Variants in NRDE2 observed in about 807,000 individuals in gnomAD.
NRDE2 encodes nuclear exosome regulator NRDE2.
A neutral mutation model predicts 124.2 loss-of-function variants in NRDE2; 76 were observed. The ratio of observed to expected loss-of-function variants is 0.61; its 90% confidence interval spans 0.51 to 0.74. The LOEUF is 0.74. Ranked by LOEUF, NRDE2 falls within the 30% of genes least tolerant of loss-of-function variation. The pLI, the probability that NRDE2 is intolerant of heterozygous loss-of-function variation, is 0.00. For missense variants in NRDE2, 1,314 were observed against 1,417.3 expected (o/e 0.93, Z 1.17); for synonymous variants, 489 against 528.1 (o/e 0.93, Z 1.01).
At chr14:90,327,075 A>G (rs1170978178) in intron 1 of NRDE2, among the ~76,000 whole-genome samples, 1 of 152,228 alleles carries the variant, frequency 6.6e-6, no homozygotes, top group Non-Finnish European at 1.5e-5. Context: ...AGTAATGACA[A>G]CACAGTGGTG....
At chr14:90,312,615 C>T (rs1884887240) in intron 3 of NRDE2, 72 bp from the exon 4 acceptor site, 1 of 1,500,122 alleles carries the variant, frequency 6.7e-7, no homozygotes, top group Admixed American at 1.7e-5. Flanking sequence ...GTGGCATTTT[C>T]AGCAATATGA....
At chr14:90,312,681 T>C (rs1482824934) in intron 3 of NRDE2, 138 bp from the exon 4 acceptor site, 1 of 787,444 alleles carries the variant, frequency 1.3e-6, no homozygotes, top group Non-Finnish European at 2.1e-6. Context: ...ACATTAAATG[T>C]ACATGTGCCA....
intron 4 of NRDE2, among the ~76,000 whole-genome samples, chr14:90,307,703 A>G (rs377218337): frequency 1.9e-4 from 29 of 152,334 alleles, no homozygotes; most frequent in African/African-American, 2.9e-4. Flanking sequence ...GTGAAACCCC[A>G]TCTCTACTAA....
chr14:90,324,125 G>A (rs1340955900), intron 1 of NRDE2, among the ~76,000 whole-genome samples: 1 of 151,854 alleles, frequency 6.6e-6, no homozygotes, highest in Non-Finnish European at 1.5e-5. Context: ...ATCTAAAGGA[G>A]GAGGAGTGAA....
chr14:90,294,477 G>T (rs1056473688), intron 8 of NRDE2, among the ~76,000 whole-genome samples: 1 of 152,158 alleles, frequency 6.6e-6, no homozygotes, highest in African/African-American at 2.4e-5. Context: ...CAAATGGATG[G>T]TATACACACA....
intron 4 of NRDE2, 152 bp downstream of exon 4, chr14:90,312,242 G>C (rs565264711): frequency 3.0e-6 from 2 of 656,370 alleles, no homozygotes; most frequent in African/African-American, 3.6e-5. Context: ...TTTTAGAATA[G>C]GAGATGAGAC....
rs1445048684 is a variant in NRDE2, at chr14:90,271,522, G to A, written c.*6814C>T. On this transcript the variant is annotated 3_prime_UTR_variant, in exon 14 of 14. Coordinates refer to ENST00000354366, the MANE Select transcript of NRDE2 (RefSeq NM_017970.4). ...CTATACTCTGTAGTATTATTCCATA[G>A]TATAGATACTGCCACTTACAGTATC... The A allele has an allele frequency of 6.6e-6, 1 of 152,152 alleles. No homozygotes were observed. The highest frequency in any genetic ancestry group is 1.5e-5 in the Non-Finnish European group (1 of 68,016). The allele number at this position is 152,152 out of a possible 1,614,324, so 9.4% of individuals were successfully genotyped here. A position where few individuals can be genotyped will look rare whatever the true frequency, so the allele number is the denominator to read the frequency against.
intron 1 of NRDE2, among the ~76,000 whole-genome samples, chr14:90,325,492 T>C (rs1426707880): frequency 6.6e-6 from 1 of 152,118 alleles, no homozygotes; most frequent in African/African-American, 2.4e-5. Context: ...CCAGACTCCT[T>C]ACTGAATGTG....
intron 4 of NRDE2, among the ~76,000 whole-genome samples, chr14:90,306,202 A>C (rs1884595220): frequency 6.6e-6 from 1 of 152,070 alleles, no homozygotes; most frequent in South Asian, 2.1e-4. Flanking sequence ...GGCAGGGGAG[A>C]ACTGCCTTCA....
intron 4 of NRDE2, among the ~76,000 whole-genome samples, chr14:90,312,165 A>T (rs1305759118): frequency 6.6e-6 from 1 of 152,244 alleles, no homozygotes; most frequent in Non-Finnish European, 1.5e-5. Context: ...CTACTGTGCC[A>T]GGCACTATGC....
Position 90,278,334 on chromosome 14 carries a change from C to G in NRDE2, c.*2G>C. On this transcript the variant is annotated 3_prime_UTR_variant, in exon 14 of 14. Transcript: ENST00000354366. ...AGGCACAGCCCGTTTTCCCGCTGCT[C>G]TCTAATCCTCCAGCAGCAGCTCCAG... 3 of 1,613,932 alleles carry G rather than the reference C, an allele frequency of 1.9e-6. No individual in the cohort carries two copies. The highest frequency in any genetic ancestry group is 2.5e-6 in the Non-Finnish European group (3 of 1,180,020).
chr14:90,288,234 C>G lies in NRDE2; in HGVS notation c.3141G>C (p.Leu1047=). 3 of 1,613,856 alleles carry G rather than the reference C, an allele frequency of 1.9e-6. No homozygotes were observed. Among genetic ancestry groups the G allele is most frequent in the Non-Finnish European group, 2.5e-6 (3 of 1,179,860 alleles). The change falls in exon 11 of 14, where the codon CTG becomes CTC. Residue 1047 remains leucine (L), a synonymous_variant. Coordinates refer to ENST00000354366, the MANE Select transcript of NRDE2 (RefSeq NM_017970.4). Reference sequence around the variant, plus strand: ...GGAATTACCTCTGGACAGTTTCCACCAGTCTCTTCCTCAGTTTCTCAGCTT... The same window carrying G: ...GGAATTACCTCTGGACAGTTTCCACGAGTCTCTTCCTCAGTTTCTCAGCTT... ...AIEAEKLRKR[L]VETVQRLDGR...
In NRDE2 at chr14:90,331,757, T is replaced by C. The variant is rs73320611; in HGVS notation, c.64+84A>G. 5.6e-4 allele frequency: 809 copies of C among 1,450,536 alleles called. 2 individuals carry two copies. In the African/African-American group the frequency reaches 9.9e-3, roughly 18 times the overall value. The allele number at this position is 1,450,536 out of a possible 1,614,324, so 89.9% of individuals were successfully genotyped here. A position where few individuals can be genotyped will look rare whatever the true frequency, so the allele number is the denominator to read the frequency against. ...TCTGGGATACAAATGGATACACAAA[T>C]CCAAAGCAAAAGTCTAGACCTGGGC... On this transcript the variant is annotated intron_variant, in intron 1 of 13. Coordinates refer to ENST00000354366, the MANE Select transcript of NRDE2 (RefSeq NM_017970.4).
At chr14:90,286,517 T>A (rs1372823478) in intron 11 of NRDE2, 25 bp from the exon 12 acceptor site, 1 of 1,606,758 alleles carries the variant, frequency 6.2e-7, no homozygotes, top group Admixed American at 1.7e-5. Flanking sequence ...CTCACGTGAC[T>A]CTGACACAAG....
chr14:90,299,022 A>G (rs908491974), intron 7 of NRDE2, among the ~76,000 whole-genome samples: 5 of 152,118 alleles, frequency 3.3e-5, no homozygotes, highest in African/African-American at 1.2e-4. Flanking sequence ...AAGGCAGGCG[A>G]CCAGGGAGTA....
intron 1 of NRDE2, among the ~76,000 whole-genome samples, chr14:90,330,750 G>A (rs374824823): frequency 6.7e-5 from 10 of 150,254 alleles, no homozygotes; most frequent in African/African-American, 1.7e-4. Flanking sequence ...TGAGGCGGCA[G>A]TGAGTTATGA....
Position 90,302,886 on chromosome 14 carries a change from T to C in NRDE2, c.1245A>G (p.Thr415=). The change falls in exon 6 of 14, where the codon ACA becomes ACG. Residue 415 remains threonine, a synonymous_variant. Coordinates refer to ENST00000354366, the MANE Select transcript of NRDE2 (RefSeq NM_017970.4). The part of the protein sequence containing the change: ...QKLIFLHPNN[T]ALWQKYLLFC... The stretch of plus-strand genomic sequence containing the variant: ...ATAAAAGGTATTTCTGCCAAAGGGC[T>C]GTATTATTGGGATGCAAAAATATCA... 1 of 1,614,138 alleles carries C rather than the reference T, an allele frequency of 6.2e-7. No individual in the cohort carries two copies.
chr14:90,282,744 C>G (rs989680623), intron 12 of NRDE2, among the ~76,000 whole-genome samples: 5 of 151,960 alleles, frequency 3.3e-5, no homozygotes, highest in East Asian at 1.9e-4. Flanking sequence ...CTCGGCTCAC[C>G]GCAACCTCCG....
rs1891883352 is a variant in NRDE2 at position 90,279,107 on chromosome 14, G to GC, written c.3323dup (p.Ser1108ArgfsTer29). Reference sequence around the variant, plus strand: ...GAAGTGCTTTGTAGAATACACCTTTGCTTCTTTCTTTATTTCCTAAGGAAA... The same window carrying GC: ...GAAGTGCTTTGTAGAATACACCTTTGCCTTCTTTCTTTATTTCCTAAGGAAA... On this transcript the variant is annotated frameshift_variant, in exon 13 of 14. Transcript: ENST00000354366. LOFTEE classifies it high-confidence loss of function. The GC allele has an allele frequency of 5.0e-6, 8 of 1,612,396 alleles. No homozygotes were observed. The highest frequency in any genetic ancestry group is 6.8e-6 in the Non-Finnish European group (8 of 1,178,352).
Sources: allele counts gnomAD v4.1 joint callset (sites outside exome capture counted in the v4.1 genomes callset), GRCh38; gene constraint gnomAD v4.1.1; transcripts MANE v1.5; gene names NCBI Gene and HGNC (gene_info 2026-07-23, HGNC 2026-07-21).